Variants in NBAS observed in about 807,000 individuals in gnomAD.
The protein encoded by NBAS is NBAS subunit of NRZ tethering complex, also known as NAG/BC035112 fusion.
In NBAS, 219 loss-of-function variants were observed where a neutral mutation model predicts 302.5. That is an observed-to-expected ratio of 0.72 (90% CI 0.65 to 0.81). The LOEUF (loss-of-function observed/expected upper bound fraction) is 0.81, where lower values mean the gene tolerates loss of function less well. Among genes scored for constraint, NBAS ranks in the 30% least tolerant of loss-of-function variants. The pLI, the probability that NBAS is intolerant of heterozygous loss-of-function variation, is 0.00. For missense variants in NBAS, 2,932 were observed against 2,841.6 expected, an observed-to-expected ratio of 1.03 and a Z score of -0.72; for synonymous variants, 1,118 against 1,021.6, an observed-to-expected ratio of 1.09 and a Z score of -1.80.
At chr2:14,831,017 G>A in the NBAS span, among the ~76,000 whole-genome samples, 1 of 152,238 alleles carries the variant, frequency 6.6e-6, no homozygotes, top group East Asian at 1.9e-4. Context: ...GGACACCATT[G>A]CCCACGGCCT....
In NBAS at chr2:15,382,450, T is replaced by C. The variant is rs566325392; in HGVS notation, c.3360+765A>G. Among the ~76,000 whole-genome samples the C allele has an allele frequency of 7.9e-5, 12 of 152,270 alleles. 1 individual carries two copies. The South Asian group carries it at 1.5e-3, about 18-fold the overall frequency. ...ATAACTACATTTTAAAGAAAGACCA[T>C]AGTAGAGGCAACTTATGAGGAAGGA... On this transcript the variant is annotated intron_variant, in intron 29 of 51. Coordinates refer to ENST00000281513, the MANE Select transcript of NBAS (RefSeq NM_015909.4).
At chr2:15,136,948 G>T in the NBAS span, among the ~76,000 whole-genome samples, 1 of 152,166 alleles carries the variant, frequency 6.6e-6, no homozygotes, top group South Asian at 2.1e-4. Context: ...CCCCAGCCAT[G>T]TGAAACTGTG....
the NBAS span, among the ~76,000 whole-genome samples, chr2:15,130,147 G>C: frequency 6.6e-6 from 1 of 152,156 alleles, no homozygotes; most frequent in African/African-American, 2.4e-5. Flanking sequence ...AATTATAGAA[G>C]ATGTGGCCTT....
chr2:15,098,347 A>C, the NBAS span, among the ~76,000 whole-genome samples: 474 of 1,812 alleles, frequency 0.26, 80 homozygotes, highest in African/African-American at 0.47. Flanking sequence ...TATAATATAT[A>C]ATATATGATA....
the NBAS span, among the ~76,000 whole-genome samples, chr2:15,102,840 G>C: frequency 6.6e-6 from 1 of 152,156 alleles, no homozygotes; most frequent in Admixed American, 6.5e-5. Flanking sequence ...GAGAGCAAAA[G>C]AATAATGCAG....
chr2:15,077,859 T>G, the NBAS span, among the ~76,000 whole-genome samples: 3 of 151,956 alleles, frequency 2.0e-5, no homozygotes, highest in African/African-American at 7.3e-5. Flanking sequence ...AATTTTTGTA[T>G]TTTTAGTAGA....
chr2:15,534,377 A>G lies in NBAS; in HGVS notation c.746+166T>C, dbSNP rs76119339. ...CAGAAGAGCTCAGTGAGCCAGATAG[A>G]TAAGCATGAATAATCAGATGACAAC... On this transcript the variant is annotated intron_variant, in intron 9 of 51. Coordinates refer to ENST00000281513, the MANE Select transcript of NBAS (RefSeq NM_015909.4). 6.1e-3 allele frequency among the ~76,000 whole-genome samples: 930 copies of G among 152,322 alleles called. 12 individuals are homozygous for G. The highest frequency in any genetic ancestry group is 5.5e-3 in the Non-Finnish European group (372 of 68,036).
At chr2:15,322,730 C>T (rs1196414661) in intron 38 of NBAS, among the ~76,000 whole-genome samples, 1 of 151,960 alleles carries the variant, frequency 6.6e-6, no homozygotes, top group East Asian at 1.9e-4. Context: ...ACTTTTTTAC[C>T]ACAATTTTTA....
At chr2:15,288,748 A>C (rs1036203980) in intron 41 of NBAS, among the ~76,000 whole-genome samples, 10 of 152,346 alleles carry the variant, frequency 6.6e-5, no homozygotes, top group Non-Finnish European at 1.3e-4. Context: ...AAGCACAGAG[A>C]CAGAAAAGAA....
the NBAS span, among the ~76,000 whole-genome samples, chr2:14,960,771 C>T: frequency 6.6e-6 from 1 of 152,204 alleles, no homozygotes; most frequent in Non-Finnish European, 1.5e-5. Flanking sequence ...CAAATGACCA[C>T]TTTGTGCCAA....
intron 44 of NBAS, among the ~76,000 whole-genome samples, chr2:15,272,382 T>C (rs922880689): frequency 6.6e-6 from 1 of 152,212 alleles, no homozygotes; most frequent in Non-Finnish European, 1.5e-5. Context: ...ATCTGGTGTT[T>C]TGCAAATTTG....
chr2:15,438,385 T>C (rs527267072), intron 21 of NBAS, among the ~76,000 whole-genome samples: 33 of 152,214 alleles, frequency 2.2e-4, no homozygotes, highest in Admixed American at 9.2e-4. Flanking sequence ...CAAAACAGAC[T>C]AATAAAAGAT....
chr2:14,820,106 G>T, the NBAS span, among the ~76,000 whole-genome samples: 4 of 152,166 alleles, frequency 2.6e-5, no homozygotes, highest in Non-Finnish European at 5.9e-5. Flanking sequence ...CACTTTGGAG[G>T]TTCCTCAAGA....
At chr2:15,500,048 T>C (rs1029201059) in intron 11 of NBAS, among the ~76,000 whole-genome samples, 6 of 152,364 alleles carry the variant, frequency 3.9e-5, no homozygotes, top group African/African-American at 1.4e-4. Flanking sequence ...GAACGAGTTG[T>C]ACTTTCTCTC....
chr2:15,398,613 T>C (rs1191411061), intron 26 of NBAS, among the ~76,000 whole-genome samples: 1 of 90,356 alleles, frequency 1.1e-5, no homozygotes, highest in African/African-American at 3.7e-5. Flanking sequence ...TTAGATTAAA[T>C]GAGTGATTGC....
chr2:14,847,912 T>C, the NBAS span, among the ~76,000 whole-genome samples: 1 of 152,160 alleles, frequency 6.6e-6, no homozygotes, highest in African/African-American at 2.4e-5. Flanking sequence ...GTTCAAAAAT[T>C]GAAATTATAT....
Position 15,473,290 on chromosome 2 carries a change from T to A in NBAS, c.1657A>T (p.Thr553Ser). Residue 553 changes from threonine (T) to serine (S), a missense_variant, in exon 16 of 52, where the codon ACT becomes TCT. Physicochemically the swap from Thr to Ser is moderately conservative, Grantham distance 58. Coordinates refer to ENST00000281513, the MANE Select transcript of NBAS (RefSeq NM_015909.4). Reference protein sequence around the residue: ...LSLAHTYGLDTDLVYQRQWRK... With the variant: ...LSLAHTYGLDSDLVYQRQWRK... ...CACTGCCTCTGATATACAAGGTCAG[T>A]ATCCAGGCCGTAGGTATGAGCCAAG... 6.2e-7 allele frequency: 1 copy of A among 1,614,120 alleles called. No individual in the cohort carries two copies. The highest frequency in any genetic ancestry group is 8.5e-7 in the Non-Finnish European group (1 of 1,179,968).
At chr2:15,399,799 T>G (rs559382625) in intron 26 of NBAS, among the ~76,000 whole-genome samples, 1,016 of 91,762 alleles carry the variant, frequency 0.011, 11 homozygotes, top group African/African-American at 0.033. Flanking sequence ...TATTGAAATC[T>G]TCTTTAAAAA....
At chr2:15,482,347 G>A (rs1442238568) in intron 12 of NBAS, among the ~76,000 whole-genome samples, 1 of 152,024 alleles carries the variant, frequency 6.6e-6, no homozygotes, top group Admixed American at 6.6e-5. Context: ...GAACTCCTGG[G>A]CTCAAGCAAT....
Sources: allele counts gnomAD v4.1 joint callset (sites outside exome capture counted in the v4.1 genomes callset), GRCh38; gene constraint gnomAD v4.1.1; transcripts MANE v1.5; gene names NCBI Gene and HGNC (gene_info 2026-07-23, HGNC 2026-07-21).